MON1A: variants seen among roughly 807,000 people sequenced by gnomAD.
MON1A encodes the protein MON1 vesicular trafficking associated A.
A neutral mutation model predicts 44.6 loss-of-function variants in MON1A; 29 were observed. That is an observed-to-expected ratio of 0.65 (90% CI 0.48 to 0.89). The LOEUF is 0.89. Ranked by LOEUF, MON1A falls within the 40% of genes least tolerant of loss-of-function variation. The pLI is 0.00. For missense variants in MON1A, 615 were observed against 759.6 expected, an observed-to-expected ratio of 0.81 and a Z score of 2.24; for synonymous variants, 275 against 316.4, an observed-to-expected ratio of 0.87 and a Z score of 1.39.
chr3:49,911,193 GATAGATAGAT>G lies in MON1A; in HGVS notation c.614-319_614-310del, dbSNP rs2082874619. On this transcript the variant is annotated intron_variant, in intron 3 of 5. Transcript: ENST00000296473. The surrounding 1 kb of genome is among the most constrained non-coding windows in gnomAD (Gnocchi z 5.7). ...CAGGACCTGGGAGATAGATAGATTA[GATAGATAGAT>G]AGATAGATAGATAGATAGATAGATA... Among the ~76,000 whole-genome samples the G allele has an allele frequency of 2.5e-5, 1 of 40,192 alleles. No individual in the cohort carries two copies. Among genetic ancestry groups the G allele is most frequent in the South Asian group, 4.9e-4 (1 of 2,028 alleles). 26.4% of individuals were successfully genotyped at this position (40,192 alleles called of 152,430 possible). A position where few individuals can be genotyped will look rare whatever the true frequency, so the allele number is the denominator to read the frequency against.
intron 1 of MON1A, 68 bp from the exon 2 acceptor site, chr3:49,913,427 T>TC: frequency 2.0e-6 from 3 of 1,519,524 alleles, no homozygotes; most frequent in Non-Finnish European, 8.9e-7. Context: ...ACAGTGGTAG[T>TC]AAGTACAGGA....
At chr3:49,921,609 A>G (rs1297284601) in intron 1 of MON1A, among the ~76,000 whole-genome samples, 1 of 149,794 alleles carries the variant, frequency 6.7e-6, no homozygotes, top group Non-Finnish European at 1.5e-5. Flanking sequence ...TCTACCAAAA[A>G]TACAAAAAAT....
In MON1A at chr3:49,910,891, G is replaced by C; in HGVS notation, c.614-7C>G. 2 of 1,589,760 alleles carry C rather than the reference G, an allele frequency of 1.3e-6. No individual in the cohort carries two copies. Among genetic ancestry groups the C allele is most frequent in the Non-Finnish European group, 1.7e-6 (2 of 1,163,276 alleles). On this transcript the variant is annotated splice_region_variant and splice_polypyrimidine_tract_variant and intron_variant, in intron 3 of 5. Coordinates refer to ENST00000296473, the MANE Select transcript of MON1A (RefSeq NM_032355.4). The surrounding 1 kb of genome is among the most constrained non-coding windows in gnomAD (Gnocchi z 8.0). The stretch of plus-strand genomic sequence containing the variant: ...AATACTACCTTGTAGCCATCTGAGA[G>C]CGGGACAGGAAAGAAGGATGTCAGC...
rs2083076973 is a variant in MON1A, at chr3:49,929,553, G to A, written c.-14+56C>T. On this transcript the variant is annotated intron_variant, in intron 1 of 5. Coordinates refer to ENST00000296473, the MANE Select transcript of MON1A (RefSeq NM_032355.4). ...TCTTCAAGCCCCTCCCTCCAAAGAT[G>A]ACAGCTCTCCAGTCTCTAGGTGCCT... is the stretch of plus-strand genomic sequence containing the variant. The A allele has an allele frequency of 1.9e-6, 3 of 1,542,640 alleles. No individual in the cohort carries two copies. In the Admixed American group the frequency reaches 5.9e-5, roughly 30 times the overall value.
At position 49,911,867 on chromosome 3, in the gene MON1A, C is replaced by T; in HGVS notation, c.272G>A (p.Ser91Asn). The T allele has an allele frequency of 1.9e-6, 3 of 1,614,140 alleles. No homozygotes were observed. In the South Asian group the frequency reaches 3.3e-5, roughly 18 times the overall value. The change falls in exon 3 of 6, where the codon AGC becomes AAC. Residue 91 changes from serine (S) to asparagine (N), a missense_variant. By Grantham distance (46) the Ser-to-Asn change is conservative. Coordinates refer to ENST00000296473, the MANE Select transcript of MON1A (RefSeq NM_032355.4). This position sits in a 1 kb window ranked among gnomAD's most constrained non-coding sequence, Gnocchi z 5.7. ...PPLPTDMRQI[S>N]QDFSELSTQL... Reference sequence around the variant, plus strand: ...GGTGCTTAGCTCGCTAAAGTCCTGGCTGATCTGGCGCATGTCTGTAGGCAG... The same window carrying T: ...GGTGCTTAGCTCGCTAAAGTCCTGGTTGATCTGGCGCATGTCTGTAGGCAG...
chr3:49,928,328 C>T (rs1442402644), intron 1 of MON1A, among the ~76,000 whole-genome samples: 2 of 152,168 alleles, frequency 1.3e-5, no homozygotes, highest in African/African-American at 4.8e-5. Flanking sequence ...CACCCCAACC[C>T]CCATTGGAGC....
chr3:49,927,442 A>C (rs916945364), intron 1 of MON1A, among the ~76,000 whole-genome samples: 7 of 152,216 alleles, frequency 4.6e-5, no homozygotes, highest in African/African-American at 1.7e-4. Flanking sequence ...GTGTGACTGC[A>C]CTTATAATAC....
intron 2 of MON1A, chr3:49,912,717 T>C (rs897531867): frequency 2.4e-5 from 6 of 254,700 alleles, no homozygotes; most frequent in Non-Finnish European, 3.9e-5. Flanking sequence ...CAGGTCAGTC[T>C]TCCTTTATTG....
intron 1 of MON1A, among the ~76,000 whole-genome samples, chr3:49,917,939 T>G (rs2082961144): frequency 6.6e-6 from 1 of 151,930 alleles, no homozygotes; most frequent in South Asian, 2.1e-4. Flanking sequence ...TCCCAGCTAC[T>G]CAGGAGGCTG....
chr3:49,909,442 T>C lies in MON1A; in HGVS notation c.1380-42A>G, dbSNP rs1211505231. The C allele has an allele frequency of 7.5e-6, 12 of 1,609,980 alleles. No individual in the cohort carries two copies. Among genetic ancestry groups the C allele is most frequent in the African/African-American group, 1.3e-5 (1 of 74,764 alleles). On this transcript the variant is annotated intron_variant, in intron 4 of 5. Transcript: ENST00000296473. The surrounding 1 kb of genome is among the most constrained non-coding windows in gnomAD (Gnocchi z 4.0). ...GGGAGTGGGTTTGCAAAGGAATGAC[T>C]TCCACTGTCTTCTCTAGAGATTTAG...
intron 1 of MON1A, among the ~76,000 whole-genome samples, chr3:49,928,326 C>T (rs994834755): frequency 6.6e-6 from 1 of 152,198 alleles, no homozygotes; most frequent in African/African-American, 2.4e-5. Flanking sequence ...TCCACCCCAA[C>T]CCCCATTGGA....
intron 1 of MON1A, among the ~76,000 whole-genome samples, chr3:49,924,265 G>C (rs1323291213): frequency 6.6e-6 from 1 of 152,068 alleles, no homozygotes; most frequent in Non-Finnish European, 1.5e-5. Context: ...TTAATATCCA[G>C]CTTGGTTGTC....
chr3:49,923,368 AGGAAGGAAGG>A (rs759137407), intron 1 of MON1A, among the ~76,000 whole-genome samples: 19 of 145,054 alleles, frequency 1.3e-4, no homozygotes, highest in Admixed American at 2.1e-4. Context: ...GAAGGGAGGA[AGGAAGGAAGG>A]GGAAGGAGGG....
intron 1 of MON1A, among the ~76,000 whole-genome samples, chr3:49,921,946 T>C (rs1439498032): frequency 6.7e-6 from 1 of 149,968 alleles, no homozygotes; most frequent in African/African-American, 2.5e-5. Context: ...AAGACCAGCC[T>C]GGCCAACATG....
intron 1 of MON1A, chr3:49,929,342 G>T: frequency 1.8e-6 from 1 of 546,632 alleles, no homozygotes; most frequent in Non-Finnish European, 3.2e-6. Context: ...TGGCGGGGCG[G>T]GGGTGGGGGA....
chr3:49,909,555 G>A lies in MON1A; in HGVS notation c.1380-155C>T. 1 of 973,482 alleles carries A rather than the reference G, an allele frequency of 1.0e-6. No homozygotes were observed. Among genetic ancestry groups the A allele is most frequent in the South Asian group, 1.7e-5 (1 of 60,558 alleles). The allele number at this position is 973,482 out of a possible 1,614,324, so 60.3% of individuals were successfully genotyped here. A position where few individuals can be genotyped will look rare whatever the true frequency, so the allele number is the denominator to read the frequency against. ...GACAGGGCATTGTCTCCCCACCATAGCAGGCACCCCAGGACAGGGCTGGGC... is the reference window on the plus strand; with the variant it reads ...GACAGGGCATTGTCTCCCCACCATAACAGGCACCCCAGGACAGGGCTGGGC... On this transcript the variant is annotated intron_variant, in intron 4 of 5. Coordinates refer to ENST00000296473, the MANE Select transcript of MON1A (RefSeq NM_032355.4). This position sits in a 1 kb window ranked among gnomAD's most constrained non-coding sequence, Gnocchi z 4.0.
intron 1 of MON1A, among the ~76,000 whole-genome samples, chr3:49,919,736 C>G (rs1014129475): frequency 6.6e-6 from 1 of 152,124 alleles, no homozygotes; most frequent in Non-Finnish European, 1.5e-5. Context: ...CCCACCTTCA[C>G]GGATCCAAAG....
intron 1 of MON1A, among the ~76,000 whole-genome samples, chr3:49,928,929 G>A (rs1257807406): frequency 6.6e-6 from 1 of 152,190 alleles, no homozygotes; most frequent in East Asian, 1.9e-4. Flanking sequence ...TGCAAAGTCC[G>A]GCCAGGCGCA....
intron 1 of MON1A, among the ~76,000 whole-genome samples, chr3:49,913,908 C>A (rs1011618884): frequency 1.3e-5 from 2 of 151,484 alleles, no homozygotes; most frequent in Non-Finnish European, 2.9e-5. Context: ...AAGTGATCTG[C>A]CCCTCTCGGC....
Sources: gnomAD v4.1 joint callset for allele counts (sites outside exome capture counted in the v4.1 genomes callset) on GRCh38, gnomAD v4.1.1 for gene constraint, Gnocchi (gnomAD v3.1) non-coding constraint, MANE v1.5 for transcripts, NCBI Gene and HGNC (gene_info 2026-07-23, HGNC 2026-07-21) for gene names.